ANKFN1: variants seen among roughly 807,000 people sequenced by gnomAD.
ANKFN1 encodes the protein ankyrin repeat and fibronectin type-III domain-containing protein 1.
A neutral mutation model predicts 108.7 loss-of-function variants in ANKFN1; 74 were observed. The observed-to-expected ratio is 0.68, with a 90% confidence interval of 0.56 to 0.83. The LOEUF (loss-of-function observed/expected upper bound fraction) is 0.83. Among genes scored for constraint, ANKFN1 ranks in the 40% least tolerant of loss-of-function variants. The pLI, the probability that ANKFN1 is intolerant of heterozygous loss-of-function variation, is 0.00. For synonymous variants in ANKFN1, 547 were observed against 516.2 expected (o/e 1.06, Z -0.81); for missense variants, 1,505 against 1,382.3 (o/e 1.09, Z -1.41).
At chr17:56,163,791 C>A (rs1014254382) in intron 1 of ANKFN1, among the ~76,000 whole-genome samples, 4 of 152,186 alleles carry the variant, frequency 2.6e-5, no homozygotes, top group African/African-American at 9.7e-5. Flanking sequence ...GAATATTAAT[C>A]CATCAGACTT....
At chr17:56,490,375 G>A (rs2050996216) in intron 18 of ANKFN1, among the ~76,000 whole-genome samples, 1 of 152,156 alleles carries the variant, frequency 6.6e-6, no homozygotes, top group African/African-American at 2.4e-5. Context: ...GTAAAGAAAG[G>A]TATGTGAGGA....
chr17:56,443,008 C>A, intron 10 of ANKFN1, 75 bp downstream of exon 10: 1 of 1,444,866 alleles, frequency 6.9e-7, no homozygotes, highest in Non-Finnish European at 9.6e-7. Context: ...GGTGCCATTG[C>A]CATTCCCTTC....
intron 3 of ANKFN1, among the ~76,000 whole-genome samples, chr17:56,236,349 G>A (rs970516834): frequency 3.9e-5 from 6 of 151,998 alleles, no homozygotes; most frequent in South Asian, 2.1e-4. Context: ...GAGCCACCGC[G>A]CCTGGCCCTG....
At position 56,237,014 on chromosome 17, in the gene ANKFN1, T is replaced by C. The variant is rs1917205122; in HGVS notation, c.53+9057T>C. ...AAAGCCATTTCTGCATCTATTGAGA[T>C]AATCATGTTGTTTTTGTCTTTAGTT... On this transcript the variant is annotated intron_variant, in intron 3 of 20. Transcript: ENST00000682825. 2.0e-5 allele frequency among the ~76,000 whole-genome samples: 3 copies of C among 152,332 alleles called. No individual in the cohort carries two copies. In the South Asian group the frequency reaches 6.2e-4, roughly 32 times the overall value.
chr17:56,062,330 G>A (rs1022503603), intron 4 of ANKFN1, among the ~76,000 whole-genome samples: 1 of 152,132 alleles, frequency 6.6e-6, no homozygotes, highest in Admixed American at 6.5e-5. Flanking sequence ...TGACAGTGGG[G>A]TGTTAAAGCC....
chr17:56,249,374 C>T (rs1222125359), intron 3 of ANKFN1, among the ~76,000 whole-genome samples: 1 of 151,626 alleles, frequency 6.6e-6, no homozygotes, highest in African/African-American at 2.4e-5. Context: ...GCAGAGATTG[C>T]AGTAAGCCAA....
chr17:56,236,347 G>A (rs1009527055), intron 3 of ANKFN1, among the ~76,000 whole-genome samples: 6 of 152,132 alleles, frequency 3.9e-5, no homozygotes, highest in African/African-American at 7.2e-5. Context: ...GTGAGCCACC[G>A]CGCCTGGCCC....
intron 3 of ANKFN1, among the ~76,000 whole-genome samples, chr17:56,255,928 C>T (rs2043346386): frequency 6.6e-6 from 1 of 152,150 alleles, no homozygotes; most frequent in Non-Finnish European, 1.5e-5. Context: ...AATCTCAGCA[C>T]TTTGGGAGGC....
chr17:56,385,402 A>AGGCATG (rs1313396455), intron 8 of ANKFN1, among the ~76,000 whole-genome samples: 1 of 152,266 alleles, frequency 6.6e-6, no homozygotes, highest in East Asian at 1.9e-4. Context: ...TTCAGGACAT[A>AGGCATG]GGCATGGGCA....
chr17:56,368,031 TA>T, intron 6 of ANKFN1: 1 of 384,112 alleles, frequency 2.6e-6, no homozygotes, highest in Non-Finnish European at 4.3e-6. Flanking sequence ...TCTTCATCTT[TA>T]AAATAAGGAA....
At chr17:56,395,586 C>A (rs1296617190) in intron 8 of ANKFN1, among the ~76,000 whole-genome samples, 3 of 152,176 alleles carry the variant, frequency 2.0e-5, no homozygotes, top group African/African-American at 7.2e-5. Flanking sequence ...CCATGGCTCA[C>A]AACTGTAATC....
chr17:56,050,929 G>T lies in ANKFN1; in HGVS notation c.288+4604G>T, dbSNP rs1334629177. On this transcript the variant is annotated intron_variant, in intron 4 of 12. Coordinates refer to the ANKFN1 transcript ENST00000635860. ...GCTGAAATTGTGGCAATAATCAATA[G>T]TTTACCAACCAAAAAGAGTCCAGGA... is the stretch of plus-strand genomic sequence containing the variant. Among the ~76,000 whole-genome samples the T allele has an allele frequency of 2.1e-5, 3 of 146,266 alleles. No homozygotes were observed. In the East Asian group the frequency reaches 6.0e-4, roughly 29 times the overall value.
intron 3 of ANKFN1, among the ~76,000 whole-genome samples, chr17:56,319,241 G>A (rs1195813487): frequency 6.6e-6 from 1 of 152,162 alleles, no homozygotes; most frequent in Admixed American, 6.5e-5. Context: ...CATATGATTT[G>A]ATGGGTAGCT....
intron 3 of ANKFN1, among the ~76,000 whole-genome samples, chr17:56,266,183 G>A (rs1021211322): frequency 4.6e-5 from 7 of 152,072 alleles, no homozygotes; most frequent in Non-Finnish European, 8.8e-5. Flanking sequence ...TTGAACCCTG[G>A]GCTATTTATT....
chr17:56,370,967 C>T (rs2046796418), intron 6 of ANKFN1, among the ~76,000 whole-genome samples: 1 of 150,602 alleles, frequency 6.6e-6, no homozygotes. Flanking sequence ...TTCTCCAGAA[C>T]CTCTGCGTTC....
chr17:56,143,034 T>G (rs1467654018), intron 4 of ANKFN1, among the ~76,000 whole-genome samples: 1 of 152,162 alleles, frequency 6.6e-6, no homozygotes, highest in African/African-American at 2.4e-5. Context: ...GAATGTTTAG[T>G]TAGTATTCAC....
At chr17:56,117,186 T>G (rs569464885) in intron 4 of ANKFN1, among the ~76,000 whole-genome samples, 1 of 152,186 alleles carries the variant, frequency 6.6e-6, no homozygotes, top group Non-Finnish European at 1.5e-5. Flanking sequence ...TCAGTCTTTT[T>G]CATCACCATG....
At chr17:56,272,636 A>G (rs1486336597) in intron 3 of ANKFN1, among the ~76,000 whole-genome samples, 1 of 152,186 alleles carries the variant, frequency 6.6e-6, no homozygotes, top group Non-Finnish European at 1.5e-5. Context: ...TGCTATGAAG[A>G]TGGGTTGCTA....
At chr17:56,231,077 G>A (rs937556807) in intron 3 of ANKFN1, among the ~76,000 whole-genome samples, 1 of 152,104 alleles carries the variant, frequency 6.6e-6, no homozygotes, top group African/African-American at 2.4e-5. Flanking sequence ...TTCATTGTCT[G>A]GGCAAAGACC....
Sources: gnomAD v4.1 joint callset for allele counts (sites outside exome capture counted in the v4.1 genomes callset) on GRCh38, gnomAD v4.1.1 for gene constraint, MANE v1.5 for transcripts, NCBI Gene and HGNC (gene_info 2026-07-23, HGNC 2026-07-21) for gene names.